PICALM: variants seen among roughly 807,000 people sequenced by gnomAD.
The protein encoded by PICALM is phosphatidylinositol-binding clathrin assembly protein.
A neutral mutation model predicts 80.5 loss-of-function variants in PICALM; 40 were observed. The ratio of observed to expected loss-of-function variants is 0.50; its 90% confidence interval spans 0.39 to 0.65. The LOEUF (loss-of-function observed/expected upper bound fraction) is 0.65, where lower values mean the gene tolerates loss of function less well. PICALM is among the 30% of genes least tolerant of loss of function. The pLI is 0.00. For missense variants in PICALM, 676 were observed against 778.9 expected, an observed-to-expected ratio of 0.87 and a Z score of 1.57; for synonymous variants, 288 against 260.3, an observed-to-expected ratio of 1.11 and a Z score of -1.02.
At chr11:86,010,462 GA>G (rs1157141392) in intron 7 of PICALM, among the ~76,000 whole-genome samples, 1 of 152,014 alleles carries the variant, frequency 6.6e-6, no homozygotes, top group Non-Finnish European at 1.5e-5. Context: ...AAGTAGCTGG[GA>G]TTACAAGTGC....
At chr11:86,039,929 G>A (rs945031569) in intron 1 of PICALM, among the ~76,000 whole-genome samples, 2 of 151,092 alleles carry the variant, frequency 1.3e-5, no homozygotes, top group East Asian at 3.9e-4. Flanking sequence ...ACATGAACCC[G>A]GGTGGCGGAG....
chr11:86,005,198 A>G (rs1814703462), intron 8 of PICALM, among the ~76,000 whole-genome samples: 1 of 152,230 alleles, frequency 6.6e-6, no homozygotes, highest in South Asian at 2.1e-4. Context: ...CTCTGACTTT[A>G]AAGACTACAT....
In PICALM at chr11:86,068,955, G is replaced by T; in HGVS notation, c.-175C>A. ...GCTGCCACCAGTCCAGAGAGAACCG[G>T]CTCGTGTCACCCGCGGAGTCGGACA... is the stretch of plus-strand genomic sequence containing the variant. On this transcript the variant is annotated 5_prime_UTR_variant, in exon 1 of 20. Transcript: ENST00000393346. 1.3e-6 allele frequency: 1 copy of T among 777,826 alleles called. No individual in the cohort carries two copies. Among genetic ancestry groups the T allele is most frequent in the Middle Eastern group, 3.8e-4 (1 of 2,616 alleles). 48.2% of individuals were successfully genotyped at this position (777,826 alleles called of 1,614,324 possible). A position where few individuals can be genotyped will look rare whatever the true frequency, so the allele number is the denominator to read the frequency against.
rs1050877078 is a variant in PICALM, at chr11:86,011,549, T to C, written c.659-413A>G. 3.9e-5 allele frequency among the ~76,000 whole-genome samples: 6 copies of C among 152,292 alleles called. No homozygotes were observed. In the East Asian group the frequency reaches 1.2e-3, roughly 29 times the overall value. On this transcript the variant is annotated intron_variant, in intron 6 of 19. Transcript: ENST00000393346. ...AGTTCATTTAAGTTTAATGTATACA[T>C]AGAAAAGGTTAATTTATACTAATTA...
intron 1 of PICALM, among the ~76,000 whole-genome samples, chr11:86,042,509 T>G (rs1249854203): frequency 6.6e-6 from 1 of 152,060 alleles, no homozygotes; most frequent in Non-Finnish European, 1.5e-5. Flanking sequence ...AGATCTTAAA[T>G]TTCACAATGA....
At position 85,976,560 on chromosome 11, in the gene PICALM, A is replaced by G. The variant is rs2094289407; in HGVS notation, c.1839+63T>C. 3 of 1,010,982 alleles carry G rather than the reference A, an allele frequency of 3.0e-6. No homozygotes were observed. The Admixed American group carries it at 5.1e-5, about 17-fold the overall frequency. 62.6% of individuals were successfully genotyped at this position (1,010,982 alleles called of 1,614,324 possible). A position where few individuals can be genotyped will look rare whatever the true frequency, so the allele number is the denominator to read the frequency against. ...AAATTCTTTTTTAGGTTAAATTGTAATAAAAACATGTTATATATGAATCAA... is the reference window on the plus strand; with the variant it reads ...AAATTCTTTTTTAGGTTAAATTGTAGTAAAAACATGTTATATATGAATCAA... On this transcript the variant is annotated intron_variant, in intron 18 of 19. Coordinates refer to ENST00000393346, the MANE Select transcript of PICALM (RefSeq NM_007166.4).
intron 1 of PICALM, among the ~76,000 whole-genome samples, chr11:86,044,324 C>A (rs1179811725): frequency 6.6e-6 from 1 of 152,232 alleles, no homozygotes; most frequent in African/African-American, 2.4e-5. Flanking sequence ...TGGAACTGAC[C>A]ATCATGATCA....
At chr11:85,998,356 C>A (rs1017719206) in intron 11 of PICALM, among the ~76,000 whole-genome samples, 11 of 151,682 alleles carry the variant, frequency 7.3e-5, no homozygotes, top group Admixed American at 3.9e-4. Context: ...CATGATGCGC[C>A]CACCTCAGCC....
chr11:86,053,151 A>G (rs2096217392), intron 1 of PICALM, among the ~76,000 whole-genome samples: 1 of 152,220 alleles, frequency 6.6e-6, no homozygotes, highest in South Asian at 2.1e-4. Context: ...ATCTCAACAC[A>G]ACCTGAATAG....
intron 7 of PICALM, among the ~76,000 whole-genome samples, chr11:86,010,610 C>T (rs2095376660): frequency 6.6e-6 from 1 of 152,120 alleles, no homozygotes; most frequent in Admixed American, 6.6e-5. Context: ...GTCTGAGCCA[C>T]GGTGCCCAGC....
At position 86,068,901 on chromosome 11, in the gene PICALM, C is replaced by G. The variant is rs1311125634; in HGVS notation, c.-121G>C. 8 of 1,364,872 alleles carry G rather than the reference C, an allele frequency of 5.9e-6. No homozygotes were observed. Among genetic ancestry groups the G allele is most frequent in the Non-Finnish European group, 6.8e-6 (7 of 1,036,152 alleles). 84.5% of individuals were successfully genotyped at this position (1,364,872 alleles called of 1,614,324 possible). On this transcript the variant is annotated 5_prime_UTR_variant, in exon 1 of 20. Coordinates refer to ENST00000393346, the MANE Select transcript of PICALM (RefSeq NM_007166.4). ...CCCCCACCGGCTCCTTCCCCGCCTG[C>G]CGGCCTGGGGCGCGGTTCGGGGCCG...
Position 85,990,385 on chromosome 11 carries a change from T to C in PICALM, c.1273A>G (p.Thr425Ala). 3 of 1,605,076 alleles carry C rather than the reference T, an allele frequency of 1.9e-6. No individual in the cohort carries two copies. Among genetic ancestry groups the C allele is most frequent in the Non-Finnish European group, 2.6e-6 (3 of 1,173,174 alleles). Residue 425 changes from threonine (T) to alanine (A), a missense_variant, in exon 13 of 20, where the codon ACT (threonine) becomes GCT (alanine). Physicochemically the swap from Thr to Ala is moderately conservative, Grantham distance 58 (BLOSUM62 0). Transcript: ENST00000393346. Reference sequence around the variant, plus strand: ...ATGGCATCATCAACAGCATCTACAGTAGCAGAGAAAGGATCTGTGCAGTCC... The same window carrying C: ...ATGGCATCATCAACAGCATCTACAGCAGCAGAGAAAGGATCTGTGCAGTCC... Reference protein sequence around the residue: ...ASTWGDPFSATVDAVDDAIPS... With the variant: ...ASTWGDPFSAAVDAVDDAIPS...
intron 8 of PICALM, among the ~76,000 whole-genome samples, chr11:86,005,965 C>T (rs2095267612): frequency 6.6e-6 from 1 of 152,112 alleles, no homozygotes; most frequent in Non-Finnish European, 1.5e-5. Context: ...GGTTAAAGAA[C>T]CCTACTCTAA....
chr11:86,043,085 T>G (rs767444595), intron 1 of PICALM, among the ~76,000 whole-genome samples: 3 of 152,126 alleles, frequency 2.0e-5, no homozygotes, highest in Non-Finnish European at 4.4e-5. Flanking sequence ...CTTTCACTCT[T>G]AAAAGTGACC....
intron 6 of PICALM, among the ~76,000 whole-genome samples, chr11:86,011,913 C>T (rs1382111802): frequency 4.7e-5 from 7 of 149,402 alleles, no homozygotes; most frequent in South Asian, 2.1e-4. Context: ...TACAATGGCA[C>T]GATCTAGGCT....
intron 4 of PICALM, among the ~76,000 whole-genome samples, chr11:86,017,599 T>C (rs1299708497): frequency 2.0e-5 from 3 of 152,228 alleles, no homozygotes; most frequent in Non-Finnish European, 4.4e-5. Context: ...ATCGTAATTT[T>C]ACAGATGAAA....
Position 86,027,118 on chromosome 11 carries a change from A to G in PICALM, c.274-751T>C, listed in dbSNP as rs577576321. ...ATGATGTTCTAATATTCTAATGAAT[A>G]CATCATCATAAATCCATTTATTTAT... On this transcript the variant is annotated intron_variant, in intron 2 of 19. Transcript: ENST00000393346. Among the ~76,000 whole-genome samples the G allele has an allele frequency of 5.3e-5, 8 of 152,378 alleles. No individual in the cohort carries two copies. In the East Asian group the frequency reaches 1.5e-3, roughly 29 times the overall value.
intron 19 of PICALM, among the ~76,000 whole-genome samples, chr11:85,970,999 G>A (rs967143845): frequency 1.3e-5 from 2 of 152,168 alleles, no homozygotes; most frequent in East Asian, 3.8e-4. Flanking sequence ...GCAAGGAGAA[G>A]GGTGGGTCTA....
Position 86,027,483 on chromosome 11 carries a change from T to A in PICALM, c.274-1116A>T, listed in dbSNP as rs538645674. 7.9e-5 allele frequency among the ~76,000 whole-genome samples: 12 copies of A among 151,922 alleles called. No individual in the cohort carries two copies. The South Asian group carries it at 2.5e-3, about 32-fold the overall frequency. ...TAATAATCAACTAGGATGTACACCA[T>A]CACCTCTGAAATCAGTATTTTTTTT... On this transcript the variant is annotated intron_variant, in intron 2 of 19. Coordinates refer to ENST00000393346, the MANE Select transcript of PICALM (RefSeq NM_007166.4).
Sources: gnomAD v4.1 joint callset for allele counts (sites outside exome capture counted in the v4.1 genomes callset) on GRCh38, gnomAD v4.1.1 for gene constraint, MANE v1.5 for transcripts, NCBI Gene and HGNC (gene_info 2026-07-23, HGNC 2026-07-21) for gene names.